ATP2A3: variants seen among roughly 807,000 people sequenced by gnomAD.
ATP2A3 encodes ATPase sarcoplasmic/endoplasmic reticulum Ca2+ transporting 3.
A neutral mutation model predicts 106.8 loss-of-function variants in ATP2A3; 61 were observed. That is an observed-to-expected ratio of 0.57 (90% CI 0.46 to 0.71). The LOEUF (loss-of-function observed/expected upper bound fraction) is 0.71. Among genes scored for constraint, ATP2A3 ranks in the 30% least tolerant of loss-of-function variants. ATP2A3 has a pLI of 0.00. For synonymous variants in ATP2A3, 611 were observed against 609.3 expected (o/e 1.00, Z -0.04); for missense variants, 1,201 against 1,423.5 (o/e 0.84, Z 2.52).
rs1448279264 is a variant in ATP2A3, at chr17:3,929,923, A to G, written c.2744+378T>C. Among the ~76,000 whole-genome samples the G allele has an allele frequency of 1.4e-5, 2 of 145,016 alleles. No homozygotes were observed. Among genetic ancestry groups the G allele is most frequent in the Admixed American group, 6.8e-5 (1 of 14,660 alleles). On this transcript the variant is annotated intron_variant, in intron 18 of 20. Transcript: ENST00000397041. This position sits in a 1 kb window ranked among gnomAD's most constrained non-coding sequence, Gnocchi z 4.3. ...TCTGATCCCAATCCTGAACCCCCCAAACATCAGACCCCAACCTGAACCCCT... is the reference window on the plus strand; with the variant it reads ...TCTGATCCCAATCCTGAACCCCCCAGACATCAGACCCCAACCTGAACCCCT...
At chr17:3,932,913 A>G (rs781511102) in intron 17 of ATP2A3, among the ~76,000 whole-genome samples, 2 of 151,500 alleles carry the variant, frequency 1.3e-5, no homozygotes, top group Non-Finnish European at 2.9e-5. Context: ...AGGGACACAC[A>G]CCTCCCACTC....
intron 14 of ATP2A3, among the ~76,000 whole-genome samples, chr17:3,937,924 G>A (rs2053542237): frequency 6.6e-6 from 1 of 152,158 alleles, no homozygotes; most frequent in African/African-American, 2.4e-5. Context: ...TGAGGGTAGG[G>A]ATGAAATTGA....
chr17:3,947,898 C>G lies in ATP2A3; in HGVS notation c.631-43G>C, dbSNP rs2054209253. The G allele has an allele frequency of 6.3e-7, 1 of 1,582,364 alleles. No homozygotes were observed. The highest frequency in any genetic ancestry group is 1.1e-5 in the South Asian group (1 of 90,402). On this transcript the variant is annotated intron_variant, in intron 7 of 20. Coordinates refer to ENST00000397041, the MANE Select transcript of ATP2A3 (RefSeq NM_005173.4). The surrounding 1 kb of genome is among the most constrained non-coding windows in gnomAD (Gnocchi z 7.7). ...AAGGAAAAAGCTGCTCAGCAGCCAA[C>G]CAGGGGCCCAGGACCCCTGACTCCT...
Position 3,964,263 on chromosome 17 carries a change from GC to G in ATP2A3, c.28del (p.Ala10ProfsTer9). ...CACCGAGAAGTGGCGCAGCACGTCGGCGGCCGGGAGCAGATGCGCCGCCTCC... is the reference window on the plus strand; with the variant it reads ...CACCGAGAAGTGGCGCAGCACGTCGGGGCCGGGAGCAGATGCGCCGCCTCC... MEAAHLLPA[A>X]DVLRHFSVTA... On this transcript the variant is annotated frameshift_variant, in exon 1 of 21. Coordinates refer to ENST00000397041, the MANE Select transcript of ATP2A3 (RefSeq NM_005173.4). LOFTEE classifies it high-confidence loss of function. The G allele has an allele frequency of 7.8e-7, 1 of 1,280,732 alleles. No individual in the cohort carries two copies. The allele number at this position is 1,280,732 out of a possible 1,614,324, so 79.3% of individuals were successfully genotyped here.
In ATP2A3 at chr17:3,926,209, G is replaced by C. The variant is rs72825495; in HGVS notation, c.2981-768C>G. Among the ~76,000 whole-genome samples the C allele has an allele frequency of 0.011, 1,669 of 152,294 alleles. 20 individuals carry two copies. The highest frequency in any genetic ancestry group is 0.015 in the Non-Finnish European group (1,046 of 68,024). On this transcript the variant is annotated intron_variant, in intron 20 of 20. Transcript: ENST00000397041. This position sits in a 1 kb window ranked among gnomAD's most constrained non-coding sequence, Gnocchi z 4.6. ...ATCACGGGGAAGCCACAAGCATCAG[G>C]CTTCAGAAAAACTTCCCTAAAAGGC... is the stretch of plus-strand genomic sequence containing the variant.
Position 3,947,472 on chromosome 17 carries a change from G to C in ATP2A3, c.1014C>G (p.Ser338=). ...RKNAIVRSLP[S]VETLGCTSVI... Reference sequence around the variant, plus strand: ...CTGAGGTGCAGCCCAGGGTCTCCACGGACGGCAGGCTTCGCACGATGGCGT... The same window carrying C: ...CTGAGGTGCAGCCCAGGGTCTCCACCGACGGCAGGCTTCGCACGATGGCGT... Residue 338 remains serine (S), a synonymous_variant, in exon 8 of 21, where the codon TCC becomes TCG. Transcript: ENST00000397041. This position sits in a 1 kb window ranked among gnomAD's most constrained non-coding sequence, Gnocchi z 7.7. The C allele has an allele frequency of 6.2e-7, 1 of 1,613,820 alleles. No homozygotes were observed.
intron 1 of ATP2A3, among the ~76,000 whole-genome samples, chr17:3,961,647 T>C (rs746165089): frequency 5.3e-5 from 8 of 152,082 alleles, no homozygotes; most frequent in African/African-American, 7.2e-5. Context: ...CACAGACTCC[T>C]GGGGTGGGGA....
chr17:3,954,332 G>A (rs556744175), intron 1 of ATP2A3, among the ~76,000 whole-genome samples: 6 of 151,910 alleles, frequency 3.9e-5, no homozygotes, highest in South Asian at 2.1e-4. Context: ...CCAGCACCCC[G>A]CAGTGAGGAT....
rs1242032921 is a variant in ATP2A3 at position 3,952,021 on chromosome 17, G to A, written c.220-336C>T. ...GAACTTGTAAGAAATGTTGATCTTG[G>A]GGTCCCTCCCAGACCTCCTGAGTCG... On this transcript the variant is annotated intron_variant, in intron 3 of 20. Coordinates refer to ENST00000397041, the MANE Select transcript of ATP2A3 (RefSeq NM_005173.4). Among the ~76,000 whole-genome samples, 4 of 152,096 alleles carry A rather than the reference G, an allele frequency of 2.6e-5. No homozygotes were observed. The East Asian group carries it at 7.7e-4, about 29-fold the overall frequency.
rs1272171907 is a variant in ATP2A3, at chr17:3,936,766, A to ATTCTT, written c.2322-298_2322-297insAAGAA. On this transcript the variant is annotated intron_variant, in intron 15 of 20. Transcript: ENST00000397041. This position sits in a 1 kb window ranked among gnomAD's most constrained non-coding sequence, Gnocchi z 5.4. ...CACACACACACACACGCACACGAAG[A>ATTCTT]GGGCATGCCCAAGAATCAGACATGT... is the stretch of plus-strand genomic sequence containing the variant. 2.4e-5 allele frequency: 11 copies of ATTCTT among 460,658 alleles called. No homozygotes were observed. Among genetic ancestry groups the ATTCTT allele is most frequent in the African/African-American group, 1.2e-4 (6 of 50,420 alleles). 28.5% of individuals were successfully genotyped at this position (460,658 alleles called of 1,614,324 possible).
In ATP2A3 at chr17:3,928,331, G is replaced by T; in HGVS notation, c.2980+332C>A. 6.2e-7 allele frequency: 1 copy of T among 1,612,392 alleles called. No individual in the cohort carries two copies. The highest frequency in any genetic ancestry group is 8.5e-7 in the Non-Finnish European group (1 of 1,179,656). On this transcript the variant is annotated intron_variant, in intron 20 of 20. Transcript: ENST00000397041. The surrounding 1 kb of genome is among the most constrained non-coding windows in gnomAD (Gnocchi z 6.1). ...AGAAGGCCTGGATAAAGACAGGCTG[G>T]GTGCAGAGGGGTCAGAGGCTGAGGC...
chr17:3,934,073 G>A (rs1305252238), intron 17 of ATP2A3, among the ~76,000 whole-genome samples: 2 of 151,110 alleles, frequency 1.3e-5, no homozygotes, highest in African/African-American at 2.5e-5. Context: ...ACAGGCATCC[G>A]CCACCACACC....
At position 3,953,250 on chromosome 17, in the gene ATP2A3, G is replaced by A; in HGVS notation, c.219+97C>T. ...CAGGGCGCAGGCCCAGGGTGTGGAG[G>A]ACAGGCCCAGGCTCCAGGACCTCGG... On this transcript the variant is annotated intron_variant, in intron 3 of 20. Coordinates refer to ENST00000397041, the MANE Select transcript of ATP2A3 (RefSeq NM_005173.4). The surrounding 1 kb of genome is among the most constrained non-coding windows in gnomAD (Gnocchi z 5.1). 1 of 1,364,878 alleles carries A rather than the reference G, an allele frequency of 7.3e-7. No individual in the cohort carries two copies. Among genetic ancestry groups the A allele is most frequent in the Non-Finnish European group, 1.0e-6 (1 of 954,884 alleles). The allele number at this position is 1,364,878 out of a possible 1,614,324, so 84.5% of individuals were successfully genotyped here. A position where few individuals can be genotyped will look rare whatever the true frequency, so the allele number is the denominator to read the frequency against.
intron 1 of ATP2A3, among the ~76,000 whole-genome samples, chr17:3,963,068 T>TA (rs2055227614): frequency 6.6e-6 from 1 of 152,244 alleles, no homozygotes; most frequent in Admixed American, 6.5e-5. Flanking sequence ...AGAAAGATAA[T>TA]ATTTATATAA....
At chr17:3,952,257 CG>C (rs1459439010) in intron 3 of ATP2A3, among the ~76,000 whole-genome samples, 1 of 151,964 alleles carries the variant, frequency 6.6e-6, no homozygotes, top group Non-Finnish European at 1.5e-5. Context: ...GCTAATTTTT[CG>C]TATTTTAGTA....
At position 3,955,806 on chromosome 17, in the gene ATP2A3, C is replaced by A. The variant is rs2054739208; in HGVS notation, c.119-2096G>T. Among the ~76,000 whole-genome samples the A allele has an allele frequency of 6.6e-6, 1 of 152,166 alleles. No individual in the cohort carries two copies. The highest frequency in any genetic ancestry group is 1.5e-5 in the Non-Finnish European group (1 of 68,028). ...ACGTGCCAGCTCCAGTCCTGGACTT[C>A]CCCACAAAGGTCCCCATGATGCCTC... is the stretch of plus-strand genomic sequence containing the variant. On this transcript the variant is annotated intron_variant, in intron 1 of 20. Coordinates refer to ENST00000397041, the MANE Select transcript of ATP2A3 (RefSeq NM_005173.4). This position sits in a 1 kb window ranked among gnomAD's most constrained non-coding sequence, Gnocchi z 4.2.
intron 17 of ATP2A3, among the ~76,000 whole-genome samples, chr17:3,933,613 G>A (rs1020354986): frequency 2.2e-4 from 34 of 151,214 alleles, no homozygotes; most frequent in Non-Finnish European, 4.0e-4. Flanking sequence ...GTGGGCGCCT[G>A]TAGTCCCAGC....
chr17:3,925,044 G>A lies in ATP2A3; in HGVS notation c.*378C>T, dbSNP rs781100887. 20 of 440,400 alleles carry A rather than the reference G, an allele frequency of 4.5e-5. No homozygotes were observed. Among genetic ancestry groups the A allele is most frequent in the South Asian group, 1.0e-4 (5 of 47,818 alleles). The allele number at this position is 440,400 out of a possible 1,614,324, so 27.3% of individuals were successfully genotyped here. A position where few individuals can be genotyped will look rare whatever the true frequency, so the allele number is the denominator to read the frequency against. Reference sequence around the variant, plus strand: ...GTCACCAAGTGAACGTCCAGCTTCCGAACAAGGGGGAGCAAGCTCCAGCTG... The same window carrying A: ...GTCACCAAGTGAACGTCCAGCTTCCAAACAAGGGGGAGCAAGCTCCAGCTG... On this transcript the variant is annotated 3_prime_UTR_variant, in exon 21 of 21. Transcript: ENST00000397041. This position sits in a 1 kb window ranked among gnomAD's most constrained non-coding sequence, Gnocchi z 4.2.
Position 3,925,557 on chromosome 17 carries a change from G to T in ATP2A3, c.2981-116C>A. The T allele has an allele frequency of 7.5e-7, 1 of 1,330,844 alleles. No individual in the cohort carries two copies. Among genetic ancestry groups the T allele is most frequent in the Non-Finnish European group, 1.0e-6 (1 of 958,254 alleles). 82.4% of individuals were successfully genotyped at this position (1,330,844 alleles called of 1,614,324 possible). A position where few individuals can be genotyped will look rare whatever the true frequency, so the allele number is the denominator to read the frequency against. ...TCCCAGGACAGCCCCAGGCTCCCAAGGCCTCCCTTAGTCCAGACCTCAGTC... is the reference window on the plus strand; with the variant it reads ...TCCCAGGACAGCCCCAGGCTCCCAATGCCTCCCTTAGTCCAGACCTCAGTC... On this transcript the variant is annotated intron_variant, in intron 20 of 20. Coordinates refer to ENST00000397041, the MANE Select transcript of ATP2A3 (RefSeq NM_005173.4). The surrounding 1 kb of genome is among the most constrained non-coding windows in gnomAD (Gnocchi z 4.2).
Sources: allele counts gnomAD v4.1 joint callset (sites outside exome capture counted in the v4.1 genomes callset), GRCh38; gene constraint gnomAD v4.1.1; non-coding constraint Gnocchi (gnomAD v3.1); transcripts MANE v1.5; gene names NCBI Gene and HGNC (gene_info 2026-07-23, HGNC 2026-07-21).